Variants in RAB7A observed in about 807,000 individuals in gnomAD.
RAB7A encodes the protein RAB7A, member RAS oncogene family, also known as ras-related protein Rab-7a.
In RAB7A, 2 loss-of-function variants were observed where a neutral mutation model predicts 24.5. That is an observed-to-expected ratio of 0.08 (90% CI 0.03 to 0.26). The LOEUF (loss-of-function observed/expected upper bound fraction) is 0.26, where lower values mean the gene tolerates loss of function less well. Among genes scored for constraint, RAB7A ranks in the 10% least tolerant of loss-of-function variants. The pLI is 1.00. For missense variants in RAB7A, 118 were observed against 255.7 expected (o/e 0.46, Z 3.67); for synonymous variants, 100 against 95.9 (o/e 1.04, Z -0.25).
intron 1 of RAB7A, chr3:128,764,631 A>G: frequency 8.9e-7 from 1 of 1,119,772 alleles, no homozygotes; most frequent in East Asian, 2.3e-5. Flanking sequence ...AGTCACACAA[A>G]TGGGGGTCAT....
At chr3:128,795,459 G>T in intron 2 of RAB7A, 39 bp downstream of exon 2, 1 of 1,567,976 alleles carries the variant, frequency 6.4e-7, no homozygotes, top group Non-Finnish European at 8.8e-7. Flanking sequence ...GATTGGCTTA[G>T]AGCTAAGCCT....
At chr3:128,785,489 T>C (rs1315535299) in intron 1 of RAB7A, 1 of 152,182 alleles carries the variant, frequency 6.6e-6, no homozygotes, top group East Asian at 1.9e-4. Flanking sequence ...CTGGGCACAG[T>C]GGCTTATGCC....
intron 1 of RAB7A, among the ~76,000 whole-genome samples, chr3:128,768,968 CCTTTTTTTTTTTTTTTTT>C (rs2070859048): frequency 9.6e-6 from 1 of 104,032 alleles, no homozygotes; most frequent in Admixed American, 1.1e-4. Context: ...TTCTTTCTTT[CCTTTTTTTTTTTTTTTTT>C]TTTTTTTTTA....
intron 5 of RAB7A, among the ~76,000 whole-genome samples, chr3:128,810,494 CA>C (rs1419533637): frequency 6.6e-6 from 1 of 152,286 alleles, no homozygotes; most frequent in South Asian, 2.1e-4. Flanking sequence ...GCTGGAAGTC[CA>C]TGAGCAAGGT....
chr3:128,771,316 G>A (rs1932928168), intron 1 of RAB7A, among the ~76,000 whole-genome samples: 1 of 152,166 alleles, frequency 6.6e-6, no homozygotes. Context: ...CTCAGTTTGG[G>A]GGGCTCATCT....
At chr3:128,759,201 T>A (rs1330365806) in intron 1 of RAB7A, among the ~76,000 whole-genome samples, 1 of 152,254 alleles carries the variant, frequency 6.6e-6, no homozygotes, top group Non-Finnish European at 1.5e-5. Flanking sequence ...ATTTACATTC[T>A]GAGGCAAATG....
chr3:128,742,119 C>T (rs1010615284), intron 1 of RAB7A, among the ~76,000 whole-genome samples: 4 of 152,128 alleles, frequency 2.6e-5, no homozygotes, highest in Non-Finnish European at 4.4e-5. Flanking sequence ...TTCGTGGTCT[C>T]GCTGGCTTCA....
rs541174679 is a variant in RAB7A, at chr3:128,775,884, C to T, written c.-8-19476C>T. On this transcript the variant is annotated intron_variant, in intron 1 of 5. Transcript: ENST00000265062. The stretch of plus-strand genomic sequence containing the variant: ...GCTATTTAACATTTGCATTACCTCA[C>T]ATACTTTTTTTTTGTGGTGTGAATG... Among the ~76,000 whole-genome samples the T allele has an allele frequency of 2.6e-5, 4 of 152,242 alleles. No individual in the cohort carries two copies. In the East Asian group the frequency reaches 7.7e-4, roughly 29 times the overall value.
At chr3:128,738,456 T>A (rs77244267) in intron 1 of RAB7A, among the ~76,000 whole-genome samples, 2,146 of 152,338 alleles carry the variant, frequency 0.014, 51 homozygotes, top group African/African-American at 0.048. Context: ...CACCTTTTCC[T>A]TACCACACTT....
intron 1 of RAB7A, among the ~76,000 whole-genome samples, chr3:128,794,387 G>A (rs980251286): frequency 6.6e-6 from 1 of 152,192 alleles, no homozygotes; most frequent in African/African-American, 2.4e-5. Context: ...TTAAATGACT[G>A]GCTCAAGGTC....
intron 1 of RAB7A, among the ~76,000 whole-genome samples, chr3:128,776,945 TACACACACACAC>T (rs71153145): frequency 4.8e-4 from 68 of 142,446 alleles, no homozygotes; most frequent in African/African-American, 1.3e-3. Context: ...TTAGTTGAGC[TACACACACACAC>T]ACACACACAC....
rs551046145 is a variant in RAB7A at position 128,795,880 on chromosome 3, G to A, written c.53+460G>A. ...CATTCTCCTGCCTCAGCCTCCCGAG[G>A]AGCTGGGACTACAGGCGCCCGCCAC... On this transcript the variant is annotated intron_variant, in intron 2 of 5. Transcript: ENST00000265062. Among the ~76,000 whole-genome samples, 63 of 150,572 alleles carry A rather than the reference G, an allele frequency of 4.2e-4. 1 individual carries two copies. Among genetic ancestry groups the A allele is most frequent in the African/African-American group, 1.4e-3 (57 of 41,032 alleles).
At chr3:128,799,813 A>T (rs1318687001) in intron 3 of RAB7A, among the ~76,000 whole-genome samples, 1 of 152,226 alleles carries the variant, frequency 6.6e-6, no homozygotes, top group Non-Finnish European at 1.5e-5. Flanking sequence ...AAAGGATTTA[A>T]CATAAATCCC....
chr3:128,726,942 A>G (rs897410841), intron 1 of RAB7A, among the ~76,000 whole-genome samples: 3 of 152,210 alleles, frequency 2.0e-5, no homozygotes, highest in African/African-American at 7.2e-5. Context: ...GCGCTGGGAG[A>G]CAGGGAGCTT....
intron 3 of RAB7A, among the ~76,000 whole-genome samples, chr3:128,803,793 T>A (rs998030683): frequency 6.6e-6 from 1 of 152,062 alleles, no homozygotes; most frequent in Non-Finnish European, 1.5e-5. Context: ...TTCAGGAGCA[T>A]TTACTTGTGG....
rs936156951 is a variant in RAB7A, at chr3:128,814,020, T to C, written c.*598T>C. On this transcript the variant is annotated 3_prime_UTR_variant, in exon 6 of 6. Transcript: ENST00000265062. ...ATCTTTTTACAGTATCCATTTATTA[T>C]GTAATGCTTCTTAGAAAAGAATCTT... is the stretch of plus-strand genomic sequence containing the variant. 1.2e-5 allele frequency: 2 copies of C among 160,658 alleles called. No homozygotes were observed. Among genetic ancestry groups the C allele is most frequent in the South Asian group, 1.7e-4 (1 of 5,956 alleles). 10.0% of individuals were successfully genotyped at this position (160,658 alleles called of 1,614,324 possible).
At chr3:128,778,361 A>G (rs552059484) in intron 1 of RAB7A, among the ~76,000 whole-genome samples, 83 of 151,912 alleles carry the variant, frequency 5.5e-4, no homozygotes, top group African/African-American at 2.0e-3. Flanking sequence ...TTTTTTCCTA[A>G]TGTCTCCCCT....
chr3:128,775,724 T>TG (rs1933072160), intron 1 of RAB7A, among the ~76,000 whole-genome samples: 1 of 152,228 alleles, frequency 6.6e-6, no homozygotes, highest in Non-Finnish European at 1.5e-5. Context: ...CCCCATGAAA[T>TG]GCCTGTTAAG....
intron 1 of RAB7A, among the ~76,000 whole-genome samples, chr3:128,753,722 T>C (rs1307217785): frequency 2.0e-5 from 3 of 152,200 alleles, no homozygotes; most frequent in Non-Finnish European, 4.4e-5. Context: ...CTTGCTCCCT[T>C]GAGTCCTTAT....
Sources: gnomAD v4.1 joint callset for allele counts (sites outside exome capture counted in the v4.1 genomes callset) on GRCh38, gnomAD v4.1.1 for gene constraint, MANE v1.5 for transcripts, NCBI Gene and HGNC (gene_info 2026-07-23, HGNC 2026-07-21) for gene names.